APOO: variants seen among roughly 807,000 people sequenced by gnomAD.
The protein encoded by APOO is apolipoprotein O.
In APOO, 11 loss-of-function variants were observed where a neutral mutation model predicts 23.1. That is an observed-to-expected ratio of 0.48 (90% CI 0.30 to 0.79). The LOEUF is 0.79. APOO is among the 30% of genes least tolerant of loss of function. The probability of loss-of-function intolerance (pLI) is 0.07; values close to 1 mark genes in which losing one functional copy is unlikely to be tolerated. For synonymous variants in APOO, 59 were observed against 54.8 expected (o/e 1.08, Z -0.34); for missense variants, 160 against 142.7 (o/e 1.12, Z -0.62).
At chrX:23,878,845 A>C in intron 3 of APOO, 70 bp downstream of exon 3, 2 of 1,138,104 alleles carry the variant, frequency 1.8e-6, no homozygotes, top group Non-Finnish European at 2.4e-6. Flanking sequence ...AAAAACATGC[A>C]GCCAATACAG....
chrX:23,887,286 T>C (rs1044513985), intron 1 of APOO, among the ~76,000 whole-genome samples: 5 of 84,506 alleles, frequency 5.9e-5, no homozygotes, highest in African/African-American at 2.3e-4. Flanking sequence ...CAGGCTGGAG[T>C]GCAGTGGCAT....
intron 7 of APOO, among the ~76,000 whole-genome samples, chrX:23,852,580 C>T (rs1429621265): frequency 9.5e-6 from 1 of 105,220 alleles, no homozygotes; most frequent in Non-Finnish European, 1.9e-5. Flanking sequence ...TGCCACTGCG[C>T]TCCAGCCTGG....
At chrX:23,862,866 G>A (rs1283724545) in intron 5 of APOO, among the ~76,000 whole-genome samples, 1 of 64,793 alleles carries the variant, frequency 1.5e-5, no homozygotes, top group African/African-American at 5.9e-5. Context: ...GGAGGGGAGG[G>A]AGGGATGCAG....
intron 2 of APOO, among the ~76,000 whole-genome samples, chrX:23,880,072 T>A (rs1268048068): frequency 6.4e-5 from 7 of 110,014 alleles, no homozygotes; most frequent in Non-Finnish European, 1.3e-4. Flanking sequence ...TTTTTTTTTT[T>A]AAATTTAGTA....
intron 7 of APOO, among the ~76,000 whole-genome samples, chrX:23,855,055 T>G (rs1489065607): frequency 9.4e-6 from 1 of 106,200 alleles, no homozygotes; most frequent in African/African-American, 3.4e-5. Flanking sequence ...TTTTTTTTTT[T>G]GAGACAGGGC....
At chrX:23,849,123 A>C (rs763543675) in intron 7 of APOO, among the ~76,000 whole-genome samples, 15 of 108,968 alleles carry the variant, frequency 1.4e-4, no homozygotes, top group African/African-American at 5.0e-4. Context: ...TTTTTAGTAG[A>C]GCTGGGGTTT....
intron 1 of APOO, among the ~76,000 whole-genome samples, chrX:23,885,169 T>C (rs1204306056): frequency 9.2e-6 from 1 of 108,165 alleles, no homozygotes; most frequent in Non-Finnish European, 1.9e-5. Flanking sequence ...GAGGCCGAGG[T>C]GGGTGGATCA....
intron 7 of APOO, among the ~76,000 whole-genome samples, chrX:23,851,350 G>A (rs917421023): frequency 9.0e-6 from 1 of 111,030 alleles, no homozygotes; most frequent in African/African-American, 3.3e-5. Flanking sequence ...CTGCCACCAT[G>A]CCTGGCTAAT....
At chrX:23,884,359 T>C (rs186232965) in intron 1 of APOO, among the ~76,000 whole-genome samples, 2 of 110,648 alleles carry the variant, frequency 1.8e-5, no homozygotes, top group South Asian at 3.8e-4. Flanking sequence ...AGAATTGAGA[T>C]AGTTTAATAG....
At chrX:23,853,559 C>T (rs1467030454) in intron 7 of APOO, among the ~76,000 whole-genome samples, 2 of 109,775 alleles carry the variant, frequency 1.8e-5, no homozygotes, top group East Asian at 2.8e-4. Context: ...CCGCCCACCT[C>T]GGCCTCCCAA....
At chrX:23,904,092 C>T (rs770909915) in intron 1 of APOO, among the ~76,000 whole-genome samples, 3 of 111,624 alleles carry the variant, frequency 2.7e-5, no homozygotes, top group Admixed American at 9.6e-5. Flanking sequence ...TCAGTGAACA[C>T]GACTCATGAT....
At chrX:23,862,553 A>G (rs914758121) in intron 5 of APOO, among the ~76,000 whole-genome samples, 8 of 106,873 alleles carry the variant, frequency 7.5e-5, no homozygotes, top group African/African-American at 2.7e-4. Flanking sequence ...AAGAAGGAAG[A>G]CTGCTTGAGC....
intron 1 of APOO, among the ~76,000 whole-genome samples, chrX:23,900,281 G>A (rs897158147): frequency 9.0e-6 from 1 of 111,613 alleles, no homozygotes; most frequent in East Asian, 2.8e-4. Flanking sequence ...GGTTCTTTTC[G>A]CATATTATCT....
At chrX:23,878,806 T>A in intron 3 of APOO, 109 bp downstream of exon 3, 3 of 969,531 alleles carry the variant, frequency 3.1e-6, no homozygotes, top group African/African-American at 1.9e-5. Context: ...CTGTCAACCA[T>A]CTCAGGGCCC....
chrX:23,864,923 C>T (rs1468591669), intron 5 of APOO, among the ~76,000 whole-genome samples: 1 of 111,155 alleles, frequency 9.0e-6, no homozygotes, highest in Non-Finnish European at 1.9e-5. Flanking sequence ...ATTTCTCACT[C>T]CTCCAGGGAG....
chrX:23,842,789 A>G (rs781546452), intron 7 of APOO, among the ~76,000 whole-genome samples: 1 of 112,262 alleles, frequency 8.9e-6, no homozygotes, highest in South Asian at 3.7e-4. Flanking sequence ...TGGGTGGATC[A>G]CCTGAGGTCA....
intron 7 of APOO, among the ~76,000 whole-genome samples, chrX:23,850,668 A>T (rs1924493301): frequency 9.0e-6 from 1 of 111,441 alleles, no homozygotes; most frequent in Non-Finnish European, 1.9e-5. Context: ...CTCTACTAAA[A>T]ATACAAAAAT....
chrX:23,907,881 T>C lies in APOO; in HGVS notation c.-179A>G. The C allele has an allele frequency of 6.2e-6, 3 of 485,755 alleles. No individual in the cohort carries two copies. The highest frequency in any genetic ancestry group is 9.3e-6 in the Non-Finnish European group (3 of 320,903). The allele number at this position is 485,755 out of a possible 1,213,427, so 40.0% of individuals were successfully genotyped here. A position where few individuals can be genotyped will look rare whatever the true frequency, so the allele number is the denominator to read the frequency against. ...AAGGTTTAGTTCAATCACCCGGTTC[T>C]AGAAGCCGCGTCGCTGAGCCGCAGC... On this transcript the variant is annotated 5_prime_UTR_variant, in exon 1 of 9. Coordinates refer to ENST00000379226, the MANE Select transcript of APOO (RefSeq NM_024122.5).
In APOO at chrX:23,856,355, C is replaced by G; in HGVS notation, c.508G>C (p.Gly170Arg). 8.3e-7 allele frequency: 1 copy of G among 1,209,617 alleles called. No individual in the cohort carries two copies. The highest frequency in any genetic ancestry group is 1.1e-6 in the Non-Finnish European group (1 of 894,322). The change falls in exon 7 of 9, where the codon GGT becomes CGT. Residue 170 changes from glycine (G) to arginine (R), a missense_variant. Coordinates refer to ENST00000379226, the MANE Select transcript of APOO (RefSeq NM_024122.5). Reference sequence around the variant, plus strand: ...TCTATGACTATATATCCTCGTAAACCCCAGTCATATAATCTCTCCCCACTG... The same window carrying G: ...TCTATGACTATATATCCTCGTAAACGCCAGTCATATAATCTCTCCCCACTG... ...QVSGERLYDW[G>R]LRGYIVIEDL...
Sources: gnomAD v4.1 joint callset for allele counts (sites outside exome capture counted in the v4.1 genomes callset) on GRCh38, gnomAD v4.1.1 for gene constraint, MANE v1.5 for transcripts, NCBI Gene and HGNC (gene_info 2026-07-23, HGNC 2026-07-21) for gene names.